Variants in ZNF83 observed in about 807,000 individuals in gnomAD.
ZNF83 encodes zinc finger protein 816B.
For synonymous variants in ZNF83, 209 were observed against 213.0 expected (o/e 0.98, Z 0.17); for missense variants, 552 against 629.9 (o/e 0.88, Z 1.32).
intron 2 of ZNF83, among the ~76,000 whole-genome samples, chr19:52,620,491 CTA>C (rs2060503718): frequency 6.6e-6 from 1 of 152,150 alleles, no homozygotes. Flanking sequence ...GAGGCAGTGA[CTA>C]TGGCACTCCT....
At chr19:52,671,726 C>T (rs922975433) in intron 1 of ZNF83, among the ~76,000 whole-genome samples, 6 of 152,154 alleles carry the variant, frequency 3.9e-5, no homozygotes, top group African/African-American at 1.2e-4. Context: ...TACAGGCAAG[C>T]CACCACACCC....
At chr19:52,645,810 C>CG (rs976316098) in intron 3 of ZNF83, among the ~76,000 whole-genome samples, 16 of 148,308 alleles carry the variant, frequency 1.1e-4, no homozygotes, top group Non-Finnish European at 2.2e-4. Context: ...CTGCCCCCCC[C>CG]CAAAAAAAGG....
intron 1 of ZNF83, among the ~76,000 whole-genome samples, chr19:52,687,598 T>G (rs1460366658): frequency 3.9e-5 from 1 of 25,370 alleles, no homozygotes. Context: ...ATATATATAA[T>G]GTATATATAT....
At chr19:52,662,560 G>T (rs1040274718) in intron 1 of ZNF83, among the ~76,000 whole-genome samples, 1 of 152,140 alleles carries the variant, frequency 6.6e-6, no homozygotes, top group Admixed American at 6.5e-5. Flanking sequence ...TCTGGTACTT[G>T]TGTTTTTTAT....
intron 1 of ZNF83, among the ~76,000 whole-genome samples, chr19:52,680,604 A>ATTTT (rs1568582562): frequency 4.4e-5 from 4 of 89,928 alleles, no homozygotes; most frequent in African/African-American, 1.4e-4. Flanking sequence ...TTTCCACAAA[A>ATTTT]TATTTTTTTT....
exon 3 of ZNF83, chr19:52,613,188 A>G: frequency 6.2e-7 from 1 of 1,614,158 alleles, no homozygotes; most frequent in Admixed American, 1.7e-5. Context: ...CACATTCATT[A>G]CATTTGAAAG....
At chr19:52,674,560 A>C (rs1568577676) in intron 1 of ZNF83, among the ~76,000 whole-genome samples, 3 of 152,358 alleles carry the variant, frequency 2.0e-5, no homozygotes, top group Admixed American at 2.0e-4. Flanking sequence ...TGGAACTAAT[A>C]AACATTCAGT....
intron 1 of ZNF83, among the ~76,000 whole-genome samples, chr19:52,677,786 C>T (rs563686774): frequency 6.6e-6 from 1 of 152,042 alleles, no homozygotes; most frequent in Non-Finnish European, 1.5e-5. Context: ...GTAGTCCCAA[C>T]ACTTTGGGAA....
chr19:52,680,261 C>T (rs563150895), intron 1 of ZNF83, among the ~76,000 whole-genome samples: 1 of 152,254 alleles, frequency 6.6e-6, no homozygotes, highest in South Asian at 2.1e-4. Flanking sequence ...TAGACAAGAG[C>T]AGATTTCTCA....
At chr19:52,655,664 C>T in exon 3 of ZNF83, 6 of 1,298,438 alleles carry the variant, frequency 4.6e-6, no homozygotes, top group Non-Finnish European at 6.7e-6. Context: ...ATTCTATAGC[C>T]ACATCCCTGA....
chr19:52,626,053 C>G (rs2060725363), intron 2 of ZNF83, among the ~76,000 whole-genome samples: 1 of 152,162 alleles, frequency 6.6e-6, no homozygotes, highest in Non-Finnish European at 1.5e-5. Flanking sequence ...TTCTCATTCC[C>G]AAAATTCAAT....
At chr19:52,646,431 C>T (rs953363539) in intron 3 of ZNF83, among the ~76,000 whole-genome samples, 3 of 152,090 alleles carry the variant, frequency 2.0e-5, no homozygotes, top group Non-Finnish European at 4.4e-5. Context: ...TGCCTGTGGT[C>T]CTAGCTACTC....
intron 2 of ZNF83, among the ~76,000 whole-genome samples, chr19:52,657,259 C>T (rs750170947): frequency 1.3e-5 from 2 of 152,130 alleles, no homozygotes; most frequent in African/African-American, 2.4e-5. Flanking sequence ...GCTAAAAATA[C>T]AGTAACTAAA....
chr19:52,659,963 C>G (rs774136893), intron 2 of ZNF83, among the ~76,000 whole-genome samples: 1 of 152,070 alleles, frequency 6.6e-6, no homozygotes, highest in African/African-American at 2.4e-5. Context: ...GAGGCTGAGG[C>G]GGGCAGATCA....
intron 1 of ZNF83, among the ~76,000 whole-genome samples, chr19:52,664,782 C>A (rs2061627261): frequency 6.6e-6 from 1 of 150,892 alleles, no homozygotes; most frequent in Non-Finnish European, 1.5e-5. Context: ...GAGGCCTGGG[C>A]TGTGAGGGGT....
intron 2 of ZNF83, among the ~76,000 whole-genome samples, chr19:52,620,226 GTGTATA>G (rs1370831828): frequency 5.7e-5 from 8 of 140,706 alleles, no homozygotes; most frequent in Admixed American, 2.9e-4. Context: ...ATGTGTGTAT[GTGTATA>G]TGTATATATG....
chr19:52,614,544 A>G (rs1403883375), exon 3 of ZNF83: 2 of 1,598,722 alleles, frequency 1.3e-6, no homozygotes, highest in East Asian at 2.2e-5. Flanking sequence ...GCTTTTGTGC[A>G]TCATCCTTTC....
chr19:52,674,843 T>C (rs2061777067), intron 1 of ZNF83, among the ~76,000 whole-genome samples: 1 of 152,180 alleles, frequency 6.6e-6, no homozygotes, highest in African/African-American at 2.4e-5. Context: ...ATGATTTAGA[T>C]TTAACACAAC....
At chr19:52,665,912 C>G (rs1000338667) in intron 1 of ZNF83, among the ~76,000 whole-genome samples, 5 of 151,880 alleles carry the variant, frequency 3.3e-5, no homozygotes, top group African/African-American at 1.2e-4. Context: ...TGTAATCCCC[C>G]CACTTTGGGA....
Sources: allele counts gnomAD v4.1 joint callset (sites outside exome capture counted in the v4.1 genomes callset), GRCh38; gene constraint gnomAD v4.1.1; transcripts MANE v1.5; gene names NCBI Gene and HGNC (gene_info 2026-07-23, HGNC 2026-07-21).